Variants in KCNH1 observed in about 807,000 individuals in gnomAD.
KCNH1 encodes the protein potassium voltage-gated channel subfamily H member 1.
A neutral mutation model predicts 69.2 loss-of-function variants in KCNH1; 27 were observed. That is an observed-to-expected ratio of 0.39 (90% CI 0.29 to 0.54). KCNH1 has a LOEUF of 0.54. Among genes scored for constraint, KCNH1 ranks in the 20% least tolerant of loss-of-function variants. KCNH1 has a pLI of 0.68. For synonymous variants in KCNH1, 456 were observed against 487.7 expected (o/e 0.93, Z 0.86); for missense variants, 798 against 1,261.6 (o/e 0.63, Z 5.57).
At chr1:211,104,220 T>G (rs1691314164) in intron 2 of KCNH1, among the ~76,000 whole-genome samples, 1 of 152,194 alleles carries the variant, frequency 6.6e-6, no homozygotes, top group Admixed American at 6.5e-5. Context: ...GGAAGTAATT[T>G]AATCTTCATC....
At chr1:210,860,078 C>G in intron 7 of KCNH1, 1 of 1,325,548 alleles carries the variant, frequency 7.5e-7, no homozygotes, top group South Asian at 1.2e-5. Context: ...CCGTATGACA[C>G]GCTGCATCTT....
intron 6 of KCNH1, among the ~76,000 whole-genome samples, chr1:210,990,640 C>T (rs1217526305): frequency 1.3e-5 from 2 of 152,122 alleles, no homozygotes; most frequent in African/African-American, 4.8e-5. Flanking sequence ...GTAAGTTACT[C>T]AACCTTTCTA....
rs374027461 is a variant in KCNH1 at position 210,761,424 on chromosome 1, C to T, written c.2112+13924G>A. On this transcript the variant is annotated intron_variant, in intron 10 of 10. Transcript: ENST00000271751. ...ACCTTGAGTGTAAATGGTCTAAATG[C>T]TCCAATTAAAATACAGAGAGTGGCA... Among the ~76,000 whole-genome samples the T allele has an allele frequency of 5.7e-4, 87 of 152,120 alleles. 1 individual carries two copies. The highest frequency in any genetic ancestry group is 2.0e-3 in the African/African-American group (85 of 41,486).
At chr1:211,055,765 C>T (rs1690292631) in intron 5 of KCNH1, among the ~76,000 whole-genome samples, 1 of 152,182 alleles carries the variant, frequency 6.6e-6, no homozygotes, top group South Asian at 2.1e-4. Flanking sequence ...GGGGCCCCCC[C>T]ATTCTGGGCT....
chr1:210,982,788 A>T (rs1009355962), intron 6 of KCNH1, among the ~76,000 whole-genome samples: 12 of 152,170 alleles, frequency 7.9e-5, no homozygotes, highest in African/African-American at 2.9e-4. Flanking sequence ...TACACCCAGT[A>T]ATGGGATGGC....
chr1:210,851,837 T>C (rs950898091), intron 7 of KCNH1, among the ~76,000 whole-genome samples: 1 of 152,220 alleles, frequency 6.6e-6, no homozygotes, highest in African/African-American at 2.4e-5. Context: ...TTATAACATA[T>C]GGGAACCACC....
intron 7 of KCNH1, chr1:210,859,062 C>A (rs773893436): frequency 3.3e-6 from 2 of 608,424 alleles, no homozygotes; most frequent in African/African-American, 1.9e-5. Context: ...TTTTTTCTGT[C>A]CATCTACTGA....
chr1:210,706,291 G>T (rs187419119), intron 10 of KCNH1, among the ~76,000 whole-genome samples: 2 of 152,342 alleles, frequency 1.3e-5, no homozygotes, highest in African/African-American at 4.8e-5. Flanking sequence ...TGGGTGGGGA[G>T]CATTCTACAG....
At position 210,682,190 on chromosome 1, in the gene KCNH1, G is replaced by C. The variant is rs76067304; in HGVS notation, c.*1091C>G. 1 of 152,150 alleles carries C rather than the reference G, an allele frequency of 6.6e-6. No individual in the cohort carries two copies. The highest frequency in any genetic ancestry group is 1.5e-5 in the Non-Finnish European group (1 of 68,044). The allele number at this position is 152,150 out of a possible 1,614,324, so 9.4% of individuals were successfully genotyped here. ...CCTACTGACTTTAATAGGAAATAGA[G>C]AGACTGGCTTTAAAATAAGGCCCAG... is the stretch of plus-strand genomic sequence containing the variant. On this transcript the variant is annotated 3_prime_UTR_variant, in exon 11 of 11. Transcript: ENST00000271751.
At chr1:210,881,785 G>T (rs1258373638) in intron 7 of KCNH1, among the ~76,000 whole-genome samples, 2 of 152,176 alleles carry the variant, frequency 1.3e-5, no homozygotes, top group Non-Finnish European at 2.9e-5. Context: ...AATATGAAAA[G>T]GTTACTTACT....
rs187294750 is a variant in KCNH1, at chr1:210,808,863, G to C, written c.1463-4697C>G. On this transcript the variant is annotated intron_variant, in intron 7 of 10. Coordinates refer to ENST00000271751, the MANE Select transcript of KCNH1 (RefSeq NM_172362.3). ...AATAGATATATGAGTGTGATGTAGAGAGGAAGGGAGGGAGATTGTAACACC... is the reference window on the plus strand; with the variant it reads ...AATAGATATATGAGTGTGATGTAGACAGGAAGGGAGGGAGATTGTAACACC... Among the ~76,000 whole-genome samples the C allele has an allele frequency of 3.3e-3, 508 of 152,298 alleles. 5 individuals are homozygous for C. The highest frequency in any genetic ancestry group is 0.012 in the African/African-American group (488 of 41,566).
intron 7 of KCNH1, among the ~76,000 whole-genome samples, chr1:210,898,539 G>A (rs1047799206): frequency 6.6e-6 from 1 of 152,178 alleles, no homozygotes; most frequent in African/African-American, 2.4e-5. Context: ...TGACAGTCCA[G>A]AGAGTGAACT....
chr1:211,049,904 C>T (rs904255218), intron 5 of KCNH1, among the ~76,000 whole-genome samples: 4 of 152,162 alleles, frequency 2.6e-5, no homozygotes, highest in Non-Finnish European at 5.9e-5. Context: ...CAGCTGTCAT[C>T]TCCCTGGACA....
rs546316765 is a variant in KCNH1, at chr1:211,105,621, A to C, written c.203+1633T>G. ...TGCTAAAAACTGTGCATAAAAGAAA[A>C]GTTGGTTAAATTAGCAAGTTATTTT... On this transcript the variant is annotated intron_variant, in intron 2 of 10. Transcript: ENST00000271751. Among the ~76,000 whole-genome samples the C allele has an allele frequency of 7.7e-4, 118 of 152,346 alleles. 1 individual carries two copies. Among genetic ancestry groups the C allele is most frequent in the African/African-American group, 2.6e-3 (109 of 41,580 alleles).
intron 10 of KCNH1, among the ~76,000 whole-genome samples, chr1:210,743,831 C>G (rs909976337): frequency 2.6e-5 from 4 of 152,150 alleles, no homozygotes; most frequent in African/African-American, 4.8e-5. Context: ...CATAATAACT[C>G]TGGGAGCCCG....
At chr1:210,922,994 G>A (rs1687497814) in intron 6 of KCNH1, among the ~76,000 whole-genome samples, 1 of 151,376 alleles carries the variant, frequency 6.6e-6, no homozygotes, top group African/African-American at 2.4e-5. Context: ...TTCCTTACTT[G>A]TATTCAGTTC....
At chr1:211,086,484 C>T (rs1176812025) in intron 4 of KCNH1, among the ~76,000 whole-genome samples, 2 of 152,096 alleles carry the variant, frequency 1.3e-5, no homozygotes, top group African/African-American at 4.8e-5. Context: ...AAATTGAAAC[C>T]ATACCATGAT....
At chr1:211,100,929 T>C (rs1421275883) in intron 3 of KCNH1, among the ~76,000 whole-genome samples, 1 of 152,218 alleles carries the variant, frequency 6.6e-6, no homozygotes, top group East Asian at 1.9e-4. Flanking sequence ...CTTATGCATG[T>C]CAAAGTTTAA....
chr1:210,841,034 C>T (rs958251781), intron 7 of KCNH1, among the ~76,000 whole-genome samples: 1 of 151,992 alleles, frequency 6.6e-6, no homozygotes, highest in Admixed American at 6.6e-5. Context: ...CAAAACAGAG[C>T]GGTAGCCTCT....
Sources: gnomAD v4.1 joint callset for allele counts (sites outside exome capture counted in the v4.1 genomes callset) on GRCh38, gnomAD v4.1.1 for gene constraint, MANE v1.5 for transcripts, NCBI Gene and HGNC (gene_info 2026-07-23, HGNC 2026-07-21) for gene names.